Variants in DOCK3 observed in about 807,000 individuals in gnomAD.
The protein encoded by DOCK3 is dedicator of cytokinesis 3.
In DOCK3, 60 loss-of-function variants were observed where a neutral mutation model predicts 265.6. The ratio of observed to expected loss-of-function variants is 0.23; its 90% confidence interval spans 0.18 to 0.28. The LOEUF (loss-of-function observed/expected upper bound fraction) is 0.28, where lower values mean the gene tolerates loss of function less well. Among genes scored for constraint, DOCK3 ranks in the 10% least tolerant of loss-of-function variants. DOCK3 has a pLI of 1.00. For synonymous variants in DOCK3, 881 were observed against 938.0 expected (o/e 0.94, Z 1.11); for missense variants, 1,981 against 2,594.3 (o/e 0.76, Z 5.14).
At chr3:51,256,954 T>G (rs1272604854) in intron 22 of DOCK3, among the ~76,000 whole-genome samples, 1 of 152,236 alleles carries the variant, frequency 6.6e-6, no homozygotes, top group Non-Finnish European at 1.5e-5. Flanking sequence ...GCAAGGGCTT[T>G]CAAATGCTAG....
At chr3:50,742,785 TAGG>T (rs1559579883) in intron 1 of DOCK3, among the ~76,000 whole-genome samples, 6 of 149,100 alleles carry the variant, frequency 4.0e-5, no homozygotes. Flanking sequence ...GGATATTATC[TAGG>T]AGAACTTCCC....
chr3:50,679,402 T>A (rs1315266051), intron 1 of DOCK3, among the ~76,000 whole-genome samples: 2 of 152,236 alleles, frequency 1.3e-5, no homozygotes, highest in Non-Finnish European at 2.9e-5. Context: ...ATGTTATATT[T>A]ATTTTTTCCT....
intron 1 of DOCK3, among the ~76,000 whole-genome samples, chr3:50,772,360 A>G (rs1174821127): frequency 6.6e-6 from 1 of 152,214 alleles, no homozygotes; most frequent in Non-Finnish European, 1.5e-5. Context: ...AAATAGTTAC[A>G]AAGAATGAAC....
Position 51,090,369 on chromosome 3 carries a change from A to G in DOCK3, c.731A>G (p.Glu244Gly). Residue 244 changes from glutamate (E) to glycine (G), a missense_variant, in exon 9 of 53, where the codon GAA becomes GGA. Physicochemically the swap from Glu to Gly is moderately conservative, Grantham distance 98 (BLOSUM62 -2). This residue lies in a region of DOCK3 where 456 missense variants were observed against 539.0 expected (regional missense o/e 0.85). Coordinates refer to ENST00000266037, the MANE Select transcript of DOCK3 (RefSeq NM_004947.5). ...DVFFSLYDMR[E>G]GKQISERFLV... Reference sequence around the variant, plus strand: ...TTCTTTTCCTTATATGACATGAGGGAAGGCAAGCAGATCAGGTGAGAGTCA... The same window carrying G: ...TTCTTTTCCTTATATGACATGAGGGGAGGCAAGCAGATCAGGTGAGAGTCA... The G allele has an allele frequency of 6.2e-7, 1 of 1,606,364 alleles. No individual in the cohort carries two copies. Among genetic ancestry groups the G allele is most frequent in the Non-Finnish European group, 8.5e-7 (1 of 1,176,354 alleles).
At chr3:51,114,194 G>T (rs568919178) in intron 9 of DOCK3, among the ~76,000 whole-genome samples, 19 of 152,296 alleles carry the variant, frequency 1.2e-4, no homozygotes, top group African/African-American at 4.3e-4. Context: ...AGCAATCAAT[G>T]ATTGTTGACA....
At chr3:51,029,459 C>A (rs947281041) in intron 5 of DOCK3, among the ~76,000 whole-genome samples, 6 of 152,274 alleles carry the variant, frequency 3.9e-5, no homozygotes, top group Middle Eastern at 3.4e-3. Context: ...TTTCAGTGCA[C>A]ACCCACGAGG....
intron 4 of DOCK3, among the ~76,000 whole-genome samples, chr3:50,921,303 T>A (rs948725785): frequency 8.5e-5 from 13 of 152,200 alleles, no homozygotes; most frequent in Non-Finnish European, 1.8e-4. Flanking sequence ...TCAGTTGATC[T>A]TCAGTCACTG....
chr3:50,690,135 C>CTTTTT (rs540586646), intron 1 of DOCK3, among the ~76,000 whole-genome samples: 1 of 139,748 alleles, frequency 7.2e-6, no homozygotes, highest in African/African-American at 2.6e-5. Context: ...CTATTTTTAC[C>CTTTTT]TTTTTTTTTT....
intron 2 of DOCK3, among the ~76,000 whole-genome samples, chr3:50,808,180 G>T (rs577283076): frequency 6.6e-6 from 1 of 152,288 alleles, no homozygotes; most frequent in South Asian, 2.1e-4. Flanking sequence ...AGACATTCAT[G>T]TTGAAAACTA....
chr3:51,110,426 A>G (rs554047755), intron 9 of DOCK3, among the ~76,000 whole-genome samples: 3 of 152,314 alleles, frequency 2.0e-5, no homozygotes, highest in African/African-American at 7.2e-5. Context: ...CATTGATGCA[A>G]AAATCCTCAA....
At chr3:50,920,644 T>G (rs1449296234) in intron 4 of DOCK3, among the ~76,000 whole-genome samples, 1 of 152,220 alleles carries the variant, frequency 6.6e-6, no homozygotes, top group East Asian at 1.9e-4. Context: ...TCTCTTTTCT[T>G]CTTTATTAGT....
At chr3:51,156,198 G>C (rs1362154185) in intron 10 of DOCK3, among the ~76,000 whole-genome samples, 1 of 152,074 alleles carries the variant, frequency 6.6e-6, no homozygotes, top group African/African-American at 2.4e-5. Flanking sequence ...CCAAAAAAAA[G>C]GAGTGTCCCA....
chr3:51,031,334 C>G (rs2080039582), intron 5 of DOCK3, among the ~76,000 whole-genome samples: 1 of 152,002 alleles, frequency 6.6e-6, no homozygotes, highest in Non-Finnish European at 1.5e-5. Context: ...TGTTACGTCT[C>G]CAAGAAAACT....
At chr3:51,160,828 AC>A in intron 12 of DOCK3, 126 bp downstream of exon 12, 3 of 1,211,718 alleles carry the variant, frequency 2.5e-6, no homozygotes, top group Non-Finnish European at 3.3e-6. Flanking sequence ...TGTATTCCCA[AC>A]ACTTTGGGAG....
chr3:51,316,158 CT>C lies in DOCK3; in HGVS notation c.3402+1031del, dbSNP rs2083351755. Among the ~76,000 whole-genome samples the C allele has an allele frequency of 2.0e-5, 3 of 152,206 alleles. No individual in the cohort carries two copies. The South Asian group carries it at 6.2e-4, about 31-fold the overall frequency. ...GTCTATTTGTAGTCAAACCCTTCCC[CT>C]GTTCTTAACAAATGCAACCATAGGT... is the stretch of plus-strand genomic sequence containing the variant. On this transcript the variant is annotated intron_variant, in intron 32 of 52. Coordinates refer to ENST00000266037, the MANE Select transcript of DOCK3 (RefSeq NM_004947.5).
intron 1 of DOCK3, among the ~76,000 whole-genome samples, chr3:50,700,355 C>T (rs1663599356): frequency 6.6e-6 from 1 of 152,196 alleles, no homozygotes; most frequent in Non-Finnish European, 1.5e-5. Flanking sequence ...CTATGCTGTC[C>T]AACTGTCCAG....
chr3:50,905,807 G>A (rs1289405298), intron 4 of DOCK3, among the ~76,000 whole-genome samples: 1 of 152,066 alleles, frequency 6.6e-6, no homozygotes, highest in Non-Finnish European at 1.5e-5. Context: ...ATGTTGAATA[G>A]GAGTGGTGAG....
chr3:51,153,378 CGA>C lies in DOCK3; in HGVS notation c.829-5862_829-5861del, dbSNP rs144840367. Among the ~76,000 whole-genome samples, 471 of 152,254 alleles carry C rather than the reference CGA, an allele frequency of 3.1e-3. 8 individuals carry two copies. The East Asian group carries it at 0.038, about 12-fold the overall frequency. On this transcript the variant is annotated intron_variant, in intron 10 of 52. Transcript: ENST00000266037. Reference sequence around the variant, plus strand: ...CCGTTGTAAAAGTGCAGTATTTGGGCGAGAGTGTCCCGATTTTCCAGGTACAG... The same window carrying C: ...CCGTTGTAAAAGTGCAGTATTTGGGCGAGTGTCCCGATTTTCCAGGTACAG...
chr3:51,095,467 A>G (rs549434769), intron 9 of DOCK3, among the ~76,000 whole-genome samples: 1 of 152,138 alleles, frequency 6.6e-6, no homozygotes, highest in East Asian at 1.9e-4. Context: ...TTCTTTAAGA[A>G]TGTTGACTAG....
Sources: allele counts gnomAD v4.1 joint callset (sites outside exome capture counted in the v4.1 genomes callset), GRCh38; gene constraint gnomAD v4.1.1; regional missense constraint gnomAD v4.1.1; transcripts MANE v1.5; gene names NCBI Gene and HGNC (gene_info 2026-07-23, HGNC 2026-07-21).